SLC9B1: variants seen among roughly 807,000 people sequenced by gnomAD.
SLC9B1 encodes sodium/hydrogen exchanger 9B1.
A neutral mutation model predicts 51.7 loss-of-function variants in SLC9B1; 32 were observed. The observed-to-expected ratio is 0.62, with a 90% CI of 0.47 to 0.83. The LOEUF is 0.83. Ranked by LOEUF, SLC9B1 falls within the 40% of genes least tolerant of loss-of-function variation. The probability of loss-of-function intolerance (pLI) is 0.00; values close to 1 mark genes in which losing one functional copy is unlikely to be tolerated. For synonymous variants in SLC9B1, 145 were observed against 212.7 expected (o/e 0.68, Z 2.77); for missense variants, 406 against 613.2 (o/e 0.66, Z 3.57).
intron 11 of SLC9B1, among the ~76,000 whole-genome samples, chr4:102,893,300 A>AAAAAAAAG (rs1314502030): frequency 1.3e-3 from 186 of 147,764 alleles, no homozygotes; most frequent in Non-Finnish European, 2.4e-3. Context: ...AAAAAAAAAA[A>AAAAAAAAG]AAAAAGAAAA....
chr4:102,914,928 G>T (rs1203443473), intron 7 of SLC9B1, among the ~76,000 whole-genome samples: 1 of 152,146 alleles, frequency 6.6e-6, no homozygotes, highest in Non-Finnish European at 1.5e-5. Context: ...GACCTACAAT[G>T]AGACACATTA....
At chr4:102,991,494 A>G (rs1479246947) in intron 2 of SLC9B1, 149 bp downstream of exon 2, 2 of 493,506 alleles carry the variant, frequency 4.1e-6, no homozygotes, top group South Asian at 3.8e-5. Context: ...ATTTCCTAGG[A>G]CCCATTACAA....
intron 3 of SLC9B1, among the ~76,000 whole-genome samples, chr4:102,977,768 A>G (rs1288951115): frequency 6.6e-6 from 1 of 152,194 alleles, no homozygotes; most frequent in Non-Finnish European, 1.5e-5. Flanking sequence ...AGTTTTAAAA[A>G]TATATAGTCT....
chr4:102,964,301 T>G (rs1464186863), intron 3 of SLC9B1, among the ~76,000 whole-genome samples: 1 of 151,624 alleles, frequency 6.6e-6, no homozygotes, highest in African/African-American at 2.4e-5. Context: ...ATTGCATCAG[T>G]AATTTCAAAT....
chr4:102,907,980 G>A (rs1735136327), intron 9 of SLC9B1, among the ~76,000 whole-genome samples: 1 of 151,534 alleles, frequency 6.6e-6, no homozygotes. Context: ...TTATCATTAT[G>A]ATTATATAAG....
intron 3 of SLC9B1, among the ~76,000 whole-genome samples, chr4:102,959,199 A>G (rs1737954513): frequency 1.3e-5 from 2 of 150,974 alleles, no homozygotes; most frequent in Non-Finnish European, 2.9e-5. Context: ...GGTTGAATGT[A>G]AAAGGATAGG....
At chr4:103,009,341 T>C (rs1259825281) in intron 1 of SLC9B1, among the ~76,000 whole-genome samples, 1 of 152,252 alleles carries the variant, frequency 6.6e-6, no homozygotes, top group Non-Finnish European at 1.5e-5. Context: ...TCACAGATCA[T>C]TCAGCAAAAC....
At chr4:102,904,983 CAA>C (rs58493959) in intron 11 of SLC9B1, among the ~76,000 whole-genome samples, 5 of 144,148 alleles carry the variant, frequency 3.5e-5, no homozygotes, top group South Asian at 2.2e-4. Flanking sequence ...GACTCTGTCT[CAA>C]AAAAAAAAAC....
At chr4:102,967,119 C>T (rs1244818951) in intron 3 of SLC9B1, among the ~76,000 whole-genome samples, 5 of 152,220 alleles carry the variant, frequency 3.3e-5, no homozygotes, top group Admixed American at 3.3e-4. Flanking sequence ...ATGGCCTTTG[C>T]TGTCCATATT....
At chr4:102,931,807 C>G (rs1329113511) in intron 7 of SLC9B1, among the ~76,000 whole-genome samples, 1 of 152,154 alleles carries the variant, frequency 6.6e-6, no homozygotes, top group Non-Finnish European at 1.5e-5. Context: ...ATTAGTAGTA[C>G]AAATAATACC....
At chr4:102,934,674 G>C (rs1012658215) in intron 6 of SLC9B1, among the ~76,000 whole-genome samples, 1 of 150,890 alleles carries the variant, frequency 6.6e-6, no homozygotes, top group Non-Finnish European at 1.5e-5. Context: ...GTTGAGGCAG[G>C]AGAATCACTT....
chr4:102,975,439 A>G (rs1436321744), intron 3 of SLC9B1, among the ~76,000 whole-genome samples: 2 of 151,740 alleles, frequency 1.3e-5, no homozygotes, highest in Non-Finnish European at 2.9e-5. Flanking sequence ...CACATGATGA[A>G]CACACTGCTA....
At chr4:102,996,865 C>T (rs1010824777) in intron 1 of SLC9B1, among the ~76,000 whole-genome samples, 2 of 152,092 alleles carry the variant, frequency 1.3e-5, no homozygotes, top group Non-Finnish European at 2.9e-5. Context: ...TAGCTCACTA[C>T]AGCCTCAATC....
At chr4:102,931,699 C>A (rs1277181853) in intron 7 of SLC9B1, among the ~76,000 whole-genome samples, 2 of 152,172 alleles carry the variant, frequency 1.3e-5, no homozygotes, top group Admixed American at 6.5e-5. Flanking sequence ...AGGCATATGG[C>A]TGACCCAGCT....
intron 2 of SLC9B1, among the ~76,000 whole-genome samples, chr4:102,990,406 G>A (rs930934778): frequency 6.6e-6 from 1 of 151,956 alleles, no homozygotes; most frequent in African/African-American, 2.4e-5. Context: ...GGAAATTCAA[G>A]CATGCTTCCA....
At chr4:102,897,419 GT>G (rs1734591646), downstream of SLC9B1, 1 of 170,034 alleles carries the variant, frequency 5.9e-6, no homozygotes, top group African/African-American at 2.4e-5. Flanking sequence ...CTGAGCCATT[GT>G]ATATAGCATT....
chr4:102,989,289 A>G (rs994896421), intron 3 of SLC9B1, among the ~76,000 whole-genome samples: 3 of 152,020 alleles, frequency 2.0e-5, no homozygotes, highest in African/African-American at 7.2e-5. Context: ...CATAGGTTTA[A>G]TCAAACAGAA....
chr4:102,985,390 C>T (rs1273451868), intron 3 of SLC9B1, among the ~76,000 whole-genome samples: 1 of 152,078 alleles, frequency 6.6e-6, no homozygotes, highest in Admixed American at 6.6e-5. Context: ...GTCTTCCATT[C>T]TTTTCCTGCC....
intron 1 of SLC9B1, among the ~76,000 whole-genome samples, chr4:103,013,221 C>A (rs1265419673): frequency 1.4e-4 from 22 of 152,184 alleles, no homozygotes. Flanking sequence ...CTGTTAACTG[C>A]ACTCCATGCC....
Sources: gnomAD v4.1 joint callset for allele counts (sites outside exome capture counted in the v4.1 genomes callset) on GRCh38, gnomAD v4.1.1 for gene constraint, MANE v1.5 for transcripts, NCBI Gene and HGNC (gene_info 2026-07-23, HGNC 2026-07-21) for gene names.